The following COL13A1 variants were observed in gnomAD, a reference collection of about 807,000 sequenced individuals.
The protein encoded by COL13A1 is collagen alpha-1(XIII) chain.
Under a neutral mutation model 130.9 loss-of-function variants are expected in COL13A1, and 89 were observed. The observed-to-expected ratio is 0.68, with a 90% confidence interval of 0.57 to 0.81. The LOEUF (loss-of-function observed/expected upper bound fraction) is 0.81, where lower values mean the gene tolerates loss of function less well. Among genes scored for constraint, COL13A1 ranks in the 30% least tolerant of loss-of-function variants. The pLI is 0.00. For missense variants in COL13A1, 879 were observed against 934.6 expected (o/e 0.94, Z 0.78); for synonymous variants, 402 against 341.6 (o/e 1.18, Z -1.95).
intron 7 of COL13A1, among the ~76,000 whole-genome samples, chr10:69,886,202 TGTTCA>T (rs1025744523): frequency 1.3e-5 from 2 of 152,236 alleles, no homozygotes; most frequent in Admixed American, 6.5e-5. Context: ...GGAGCTTCCC[TGTTCA>T]GTTCAGTTCA....
chr10:69,843,529 T>C (rs1852176915), intron 2 of COL13A1, among the ~76,000 whole-genome samples: 1 of 152,252 alleles, frequency 6.6e-6, no homozygotes, highest in African/African-American at 2.4e-5. Context: ...ATATTTCAAG[T>C]GTTCCTGTGG....
chr10:69,852,673 C>A (rs1203856727), intron 2 of COL13A1, among the ~76,000 whole-genome samples: 1 of 152,234 alleles, frequency 6.6e-6, no homozygotes, highest in Non-Finnish European at 1.5e-5. Flanking sequence ...CCCACGGAAC[C>A]CCTGGTTGGG....
rs75485704 is a variant in COL13A1 at position 69,897,598 on chromosome 10, C to T, written c.685-1099C>T. The T allele has an allele frequency of 3.2e-3, 4,954 of 1,549,794 alleles. 102 individuals carry two copies. The East Asian group carries it at 0.045, about 14-fold the overall frequency. On this transcript the variant is annotated intron_variant, in intron 13 of 40. Transcript: ENST00000645393. Reference sequence around the variant, plus strand: ...GAGGCTTCCTGAACATACAGCCCAACATTGCACATCCCCAGGCCCCGGCAG... The same window carrying T: ...GAGGCTTCCTGAACATACAGCCCAATATTGCACATCCCCAGGCCCCGGCAG...
intron 2 of COL13A1, among the ~76,000 whole-genome samples, chr10:69,826,594 G>A (rs1220151039): frequency 1.3e-5 from 2 of 152,182 alleles, no homozygotes; most frequent in African/African-American, 4.8e-5. Context: ...AAAGGAGCTG[G>A]GGCTCTGGGA....
chr10:69,806,126 A>T (rs1841495092), intron 1 of COL13A1, among the ~76,000 whole-genome samples: 1 of 152,258 alleles, frequency 6.6e-6, no homozygotes, highest in Non-Finnish European at 1.5e-5. Flanking sequence ...ACCAAAGGCC[A>T]TGCACAAGAC....
At position 69,940,978 on chromosome 10, in the gene COL13A1, C is replaced by T. The variant is rs773839381; in HGVS notation, c.1879-10C>T. 25 of 1,613,778 alleles carry T rather than the reference C, an allele frequency of 1.5e-5. No individual in the cohort carries two copies. Among genetic ancestry groups the T allele is most frequent in the Admixed American group, 1.2e-4 (7 of 59,976 alleles). The stretch of plus-strand genomic sequence containing the variant: ...CCCCTTCTTTTGGTCAAACTGTGCC[C>T]TTCGTCCAGGGAGCTTCAGGTTTGG... On this transcript the variant is annotated splice_polypyrimidine_tract_variant and intron_variant, in intron 34 of 40. Coordinates refer to ENST00000645393, the MANE Select transcript of COL13A1 (RefSeq NM_001368882.1).
At chr10:69,913,920 A>T (rs1023253076) in intron 17 of COL13A1, among the ~76,000 whole-genome samples, 1 of 152,010 alleles carries the variant, frequency 6.6e-6, no homozygotes, top group Non-Finnish European at 1.5e-5. Context: ...GTCACTTGCG[A>T]AATTAAGAGA....
At position 69,907,562 on chromosome 10, in the gene COL13A1, ACC is replaced by A. The variant is rs2062889082; in HGVS notation, c.921+1742_921+1743del. Among the ~76,000 whole-genome samples, 28 of 152,076 alleles carry A rather than the reference ACC, an allele frequency of 1.8e-4. No individual in the cohort carries two copies. The South Asian group carries it at 5.8e-3, about 32-fold the overall frequency. On this transcript the variant is annotated intron_variant, in intron 17 of 40. Transcript: ENST00000645393. ...CACACACCCACTCCCACAATAACTAACCCACTTCCATGATAACTAACCCACTC... is the reference window on the plus strand; with the variant it reads ...CACACACCCACTCCCACAATAACTAACACTTCCATGATAACTAACCCACTC...
At position 69,888,321 on chromosome 10, in the gene COL13A1, C is replaced by T. The variant is rs202115626; in HGVS notation, c.567C>T (p.Asp189=). ...FPGFPGPIGL[D]GKPGHPGPKG... ...GGTTTCAGGGTCCCATTGGGCTGGA[C>T]GGCAAACCGGTAAGTGGACCCGCTC... The change falls in exon 9 of 41, where the codon GAC becomes GAT. Residue 189 remains aspartate, a synonymous_variant. Coordinates refer to ENST00000645393, the MANE Select transcript of COL13A1 (RefSeq NM_001368882.1). The T allele has an allele frequency of 6.6e-4, 1,069 of 1,612,580 alleles. 2 individuals carry two copies. Among genetic ancestry groups the T allele is most frequent in the Middle Eastern group, 8.2e-4 (5 of 6,082 alleles).
chr10:69,821,482 G>A lies in COL13A1; in HGVS notation c.295-887G>A, dbSNP rs143995051. Among the ~76,000 whole-genome samples the A allele has an allele frequency of 4.8e-3, 731 of 152,234 alleles. 8 individuals are homozygous for A. Among genetic ancestry groups the A allele is most frequent in the African/African-American group, 0.016 (669 of 41,526 alleles). ...GCTAACATTCATTGAGAACTTCCTG[G>A]GTATCAGGTGCCATTCTTTCTATGC... On this transcript the variant is annotated intron_variant, in intron 1 of 40. Coordinates refer to ENST00000645393, the MANE Select transcript of COL13A1 (RefSeq NM_001368882.1).
chr10:69,926,068 T>A (rs1258255142), intron 26 of COL13A1, 196 bp downstream of exon 26: 8 of 553,330 alleles, frequency 1.4e-5, no homozygotes, highest in Non-Finnish European at 1.3e-5. Context: ...AATGGCCCCA[T>A]TACTGGCATC....
intron 2 of COL13A1, among the ~76,000 whole-genome samples, chr10:69,838,406 C>T (rs1850672191): frequency 6.6e-6 from 1 of 152,226 alleles, no homozygotes; most frequent in Non-Finnish European, 1.5e-5. Context: ...CTCTGAGCTG[C>T]AGCTTTCTTA....
At chr10:69,930,916 G>A (rs1470239388) in intron 30 of COL13A1, among the ~76,000 whole-genome samples, 4 of 152,216 alleles carry the variant, frequency 2.6e-5, no homozygotes, top group Admixed American at 2.0e-4. Flanking sequence ...TTTGGAAAGT[G>A]TACAGAAGCC....
chr10:69,922,867 C>A, intron 23 of COL13A1, 73 bp downstream of exon 23: 2 of 1,027,224 alleles, frequency 1.9e-6, no homozygotes, highest in South Asian at 1.8e-5. Flanking sequence ...TTCTCGGGGA[C>A]TCTACGTCCC....
At chr10:69,890,958 C>T (rs1417524828) in intron 10 of COL13A1, among the ~76,000 whole-genome samples, 1 of 152,180 alleles carries the variant, frequency 6.6e-6, no homozygotes, top group Non-Finnish European at 1.5e-5. Flanking sequence ...CCTTCCCTCC[C>T]TTTTTTTATT....
At chr10:69,817,341 G>A (rs978936277) in intron 1 of COL13A1, among the ~76,000 whole-genome samples, 2 of 151,526 alleles carry the variant, frequency 1.3e-5, no homozygotes, top group Non-Finnish European at 2.9e-5. Context: ...GCAGATGGAC[G>A]GCACGTGTAG....
chr10:69,905,712 T>C, intron 16 of COL13A1, 75 bp from the exon 17 acceptor site: 2 of 1,514,222 alleles, frequency 1.3e-6, no homozygotes, highest in Admixed American at 3.6e-5. Flanking sequence ...AGGGATGGTA[T>C]TGTGTGGGGA....
intron 35 of COL13A1, among the ~76,000 whole-genome samples, chr10:69,943,222 C>A (rs1244236077): frequency 6.6e-6 from 1 of 152,196 alleles, no homozygotes; most frequent in Non-Finnish European, 1.5e-5. Context: ...AAGGGGGGCC[C>A]TGAGGACATC....
chr10:69,873,204 G>T (rs1010108042), intron 4 of COL13A1, among the ~76,000 whole-genome samples: 4 of 152,154 alleles, frequency 2.6e-5, no homozygotes, highest in African/African-American at 7.2e-5. Flanking sequence ...AGACCCTTAC[G>T]TTCCTCCCTC....
Sources: gnomAD v4.1 joint callset for allele counts (sites outside exome capture counted in the v4.1 genomes callset) on GRCh38, gnomAD v4.1.1 for gene constraint, MANE v1.5 for transcripts, NCBI Gene and HGNC (gene_info 2026-07-23, HGNC 2026-07-21) for gene names.